Variants in PTPRK observed in about 807,000 individuals in gnomAD.
PTPRK encodes protein tyrosine phosphatase receptor type K, also known as receptor-type tyrosine-protein phosphatase kappa.
A neutral mutation model predicts 178.0 loss-of-function variants in PTPRK; 75 were observed. The ratio of observed to expected loss-of-function variants is 0.42; its 90% CI spans 0.35 to 0.51. The LOEUF (loss-of-function observed/expected upper bound fraction) is 0.51, where lower values mean the gene tolerates loss of function less well. Ranked by LOEUF, PTPRK falls within the 20% of genes least tolerant of loss-of-function variation. The probability of loss-of-function intolerance (pLI) is 0.02; values close to 1 mark genes in which losing one functional copy is unlikely to be tolerated. For missense variants in PTPRK, 1,441 were observed against 1,797.8 expected (o/e 0.80, Z 3.59); for synonymous variants, 637 against 620.6 (o/e 1.03, Z -0.39).
intron 1 of PTPRK, among the ~76,000 whole-genome samples, chr6:128,438,477 T>G (rs1311774477): frequency 6.6e-6 from 1 of 152,254 alleles, no homozygotes. Context: ...GCTGGCTGCT[T>G]GCCACAGGCA....
At chr6:128,195,629 A>G (rs1271957876) in intron 6 of PTPRK, among the ~76,000 whole-genome samples, 1 of 152,156 alleles carries the variant, frequency 6.6e-6, no homozygotes, top group Admixed American at 6.5e-5. Flanking sequence ...CGAAAAAGGA[A>G]TTGTGATGAC....
At chr6:127,973,893 G>T in intron 27 of PTPRK, 66 bp from the exon 28 acceptor site, 2 of 1,468,742 alleles carry the variant, frequency 1.4e-6, no homozygotes, top group Non-Finnish European at 1.9e-6. Context: ...AGTAAAAGGT[G>T]CATATAATTT....
intron 13 of PTPRK, among the ~76,000 whole-genome samples, chr6:128,031,438 T>C (rs2114798709): frequency 6.6e-6 from 1 of 152,360 alleles, no homozygotes; most frequent in East Asian, 1.9e-4. Context: ...GCTATATAAA[T>C]GCTGCAGAGT....
intron 2 of PTPRK, among the ~76,000 whole-genome samples, chr6:128,365,019 T>G (rs1011291441): frequency 1.3e-5 from 2 of 152,038 alleles, no homozygotes; most frequent in African/African-American, 4.8e-5. Context: ...TCATGGTAAA[T>G]TTAAGAATAG....
At chr6:128,170,922 A>T (rs1562718788) in intron 7 of PTPRK, among the ~76,000 whole-genome samples, 2 of 151,954 alleles carry the variant, frequency 1.3e-5, no homozygotes, top group African/African-American at 2.4e-5. Context: ...AAAAACTGTT[A>T]ACACTTAGAT....
intron 1 of PTPRK, among the ~76,000 whole-genome samples, chr6:128,514,029 T>C (rs576674131): frequency 8.5e-5 from 13 of 152,306 alleles, no homozygotes; most frequent in African/African-American, 2.6e-4. Flanking sequence ...AGGGAATTTC[T>C]GTGGCTGGTC....
intron 6 of PTPRK, among the ~76,000 whole-genome samples, chr6:128,209,903 C>T (rs2128264323): frequency 6.6e-6 from 1 of 152,150 alleles, no homozygotes. Flanking sequence ...CAGCTAAAAG[C>T]CTAGGAGCAA....
chr6:128,376,605 T>C (rs1020983221), intron 2 of PTPRK, among the ~76,000 whole-genome samples: 1 of 152,242 alleles, frequency 6.6e-6, no homozygotes, highest in Admixed American at 6.5e-5. Flanking sequence ...TCATTACTTA[T>C]GCAAATTTCT....
chr6:128,221,359 C>T (rs1348444740), intron 5 of PTPRK, among the ~76,000 whole-genome samples: 1 of 150,412 alleles, frequency 6.6e-6, no homozygotes, highest in Non-Finnish European at 1.5e-5. Context: ...CCCGTCTGTA[C>T]TAAAAATACA....
At chr6:128,153,186 GATATGTGAAATCAA>G (rs1185390443) in intron 7 of PTPRK, among the ~76,000 whole-genome samples, 2 of 151,886 alleles carry the variant, frequency 1.3e-5, no homozygotes, top group Non-Finnish European at 1.5e-5. Context: ...TGATGTGTAT[GATATGTGAAATCAA>G]AATCAAAGAA....
intron 7 of PTPRK, among the ~76,000 whole-genome samples, chr6:128,174,286 G>C (rs1800727655): frequency 6.6e-6 from 1 of 151,952 alleles, no homozygotes; most frequent in African/African-American, 2.4e-5. Flanking sequence ...TTGTAAACAT[G>C]TTTGTGGCTA....
chr6:127,989,972 A>G (rs2114656938), intron 21 of PTPRK, among the ~76,000 whole-genome samples: 1 of 152,270 alleles, frequency 6.6e-6, no homozygotes, highest in Admixed American at 6.5e-5. Flanking sequence ...TTACCACAAA[A>G]TGTATTTCAC....
At chr6:128,387,501 T>C (rs1838911413) in intron 2 of PTPRK, among the ~76,000 whole-genome samples, 1 of 152,228 alleles carries the variant, frequency 6.6e-6, no homozygotes, top group Non-Finnish European at 1.5e-5. Flanking sequence ...TCCACCATTC[T>C]TTCTTTCACT....
chr6:128,011,273 T>C (rs1371443344), intron 13 of PTPRK, among the ~76,000 whole-genome samples: 2 of 151,166 alleles, frequency 1.3e-5, no homozygotes, highest in African/African-American at 4.8e-5. Flanking sequence ...GACTACTTTC[T>C]TCAGGTTCTA....
chr6:128,362,056 G>C (rs1019167860), intron 2 of PTPRK, among the ~76,000 whole-genome samples: 1 of 152,076 alleles, frequency 6.6e-6, no homozygotes, highest in Non-Finnish European at 1.5e-5. Context: ...TTACTATAAA[G>C]AAATACCTGA....
intron 7 of PTPRK, among the ~76,000 whole-genome samples, chr6:128,140,064 A>G (rs1795555956): frequency 1.3e-5 from 2 of 151,956 alleles, no homozygotes; most frequent in South Asian, 4.2e-4. Context: ...ATGCTATTGC[A>G]CCCCTATCTT....
At chr6:128,330,214 A>C (rs776138300) in intron 2 of PTPRK, among the ~76,000 whole-genome samples, 1 of 152,214 alleles carries the variant, frequency 6.6e-6, no homozygotes, top group Non-Finnish European at 1.5e-5. Flanking sequence ...AAGTGAAATC[A>C]TGATTTGGGT....
At chr6:128,001,102 T>C in intron 15 of PTPRK, 1 of 1,022,548 alleles carries the variant, frequency 9.8e-7, no homozygotes, top group Non-Finnish European at 1.4e-6. Context: ...AGGGTACACG[T>C]ACTAATCATT....
chr6:128,219,245 T>C, intron 5 of PTPRK, 149 bp from the exon 6 acceptor site: 1 of 710,430 alleles, frequency 1.4e-6, no homozygotes, highest in Non-Finnish European at 2.2e-6. Flanking sequence ...AGAATGTAAG[T>C]AAATACTGGT....
Sources: allele counts gnomAD v4.1 joint callset (sites outside exome capture counted in the v4.1 genomes callset), GRCh38; gene constraint gnomAD v4.1.1; transcripts MANE v1.5; gene names NCBI Gene and HGNC (gene_info 2026-07-23, HGNC 2026-07-21).